CNTN5: variants seen among roughly 807,000 people sequenced by gnomAD.
CNTN5 encodes the protein contactin-5.
Under a neutral mutation model 129.1 loss-of-function variants are expected in CNTN5, and 77 were observed. That is an observed-to-expected ratio of 0.60 (90% CI 0.50 to 0.72). The LOEUF is 0.72. CNTN5 is among the 30% of genes least tolerant of loss of function. The pLI, the probability that CNTN5 is intolerant of heterozygous loss-of-function variation, is 0.00. For missense variants in CNTN5, 1,478 were observed against 1,328.8 expected (o/e 1.11, Z -1.75); for synonymous variants, 509 against 465.6 (o/e 1.09, Z -1.20).
chr11:99,391,246 G>A (rs17585398), intron 2 of CNTN5, among the ~76,000 whole-genome samples: 7,161 of 152,030 alleles, frequency 0.047, 185 homozygotes, highest in Non-Finnish European at 0.062. Flanking sequence ...ACTGTTAATC[G>A]TAAAAATAGC....
chr11:100,337,206 T>C lies in CNTN5; in HGVS notation c.2731-3257T>C, dbSNP rs984319316. 209 of 1,540,490 alleles carry C rather than the reference T, an allele frequency of 1.4e-4. 1 individual carries two copies. The African/African-American group carries it at 2.2e-3, about 16-fold the overall frequency. ...CAGATGACACCAGCAGTGAAAACACTGTAGTTCCTCCAGAAACATATGTGA... is the reference window on the plus strand; with the variant it reads ...CAGATGACACCAGCAGTGAAAACACCGTAGTTCCTCCAGAAACATATGTGA... On this transcript the variant is annotated intron_variant, in intron 21 of 24. Coordinates refer to ENST00000524871, the MANE Select transcript of CNTN5 (RefSeq NM_014361.4).
At chr11:99,715,261 G>C (rs896161173) in intron 3 of CNTN5, among the ~76,000 whole-genome samples, 1 of 151,946 alleles carries the variant, frequency 6.6e-6, no homozygotes. Flanking sequence ...TGTAGTGGGA[G>C]AACTTATTTT....
chr11:100,291,023 G>T (rs1182700450), intron 18 of CNTN5, among the ~76,000 whole-genome samples: 1 of 148,954 alleles, frequency 6.7e-6, no homozygotes. Flanking sequence ...ATCATCACTG[G>T]CCATCAGAGA....
intron 1 of CNTN5, among the ~76,000 whole-genome samples, chr11:99,099,549 TAC>T (rs57981357): frequency 0.31 from 46,666 of 149,492 alleles, 7,205 homozygotes; most frequent in Middle Eastern, 0.41. Flanking sequence ...ATAATGTGTA[TAC>T]ACACACACAC....
intron 6 of CNTN5, among the ~76,000 whole-genome samples, chr11:99,878,178 T>C (rs1352478825): frequency 6.6e-6 from 1 of 152,202 alleles, no homozygotes; most frequent in African/African-American, 2.4e-5. Flanking sequence ...TGAAGTTAGA[T>C]CTAGGAAATT....
At chr11:99,989,564 C>A (rs1198488517) in intron 8 of CNTN5, among the ~76,000 whole-genome samples, 2 of 151,812 alleles carry the variant, frequency 1.3e-5, no homozygotes, top group East Asian at 1.9e-4. Flanking sequence ...TTGTAAAAAA[C>A]CACCCAAAAG....
intron 1 of CNTN5, among the ~76,000 whole-genome samples, chr11:99,171,322 A>T (rs1005494158): frequency 2.0e-5 from 3 of 152,192 alleles, no homozygotes; most frequent in Non-Finnish European, 4.4e-5. Context: ...GTACACAAGG[A>T]TGTTTTTCTC....
chr11:99,785,438 C>T (rs947854053), intron 3 of CNTN5, among the ~76,000 whole-genome samples: 58 of 152,060 alleles, frequency 3.8e-4, no homozygotes, highest in African/African-American at 1.3e-3. Flanking sequence ...CCTTTTGTTA[C>T]CATTGCTTTT....
Position 99,831,330 on chromosome 11 carries a change from C to T in CNTN5, c.277+11565C>T, listed in dbSNP as rs117536661. ...TGCAAAAAGTTGTTGAGATGCTTAA[C>T]GAAGTGGTAGTTGGTTGGCAAAAGG... On this transcript the variant is annotated intron_variant, in intron 4 of 24. Transcript: ENST00000524871. Among the ~76,000 whole-genome samples, 52 of 152,204 alleles carry T rather than the reference C, an allele frequency of 3.4e-4. No homozygotes were observed. The East Asian group carries it at 7.7e-3, about 23-fold the overall frequency.
chr11:99,242,003 C>A (rs1861584733), intron 1 of CNTN5, among the ~76,000 whole-genome samples: 1 of 152,034 alleles, frequency 6.6e-6, no homozygotes, highest in African/African-American at 2.4e-5. Flanking sequence ...TGTTAGATGA[C>A]AAAGTGGTAA....
intron 1 of CNTN5, among the ~76,000 whole-genome samples, chr11:99,153,489 T>G (rs1377795656): frequency 2.5e-5 from 2 of 81,282 alleles, no homozygotes; most frequent in East Asian, 1.2e-3. Context: ...TCAGATCAGG[T>G]TTTTTTTTTT....
intron 1 of CNTN5, among the ~76,000 whole-genome samples, chr11:99,202,282 A>G (rs183376239): frequency 1.3e-5 from 2 of 152,306 alleles, no homozygotes; most frequent in East Asian, 3.9e-4. Context: ...AGTGCCTAGC[A>G]TGCTCATGGC....
At chr11:99,736,699 T>C (rs1943722272) in intron 3 of CNTN5, among the ~76,000 whole-genome samples, 2 of 152,254 alleles carry the variant, frequency 1.3e-5, no homozygotes, top group Middle Eastern at 3.4e-3. Flanking sequence ...GAAGGATACA[T>C]TGACGGTGAT....
chr11:99,929,249 C>T (rs1328692163), intron 7 of CNTN5, among the ~76,000 whole-genome samples: 1 of 152,180 alleles, frequency 6.6e-6, no homozygotes, highest in African/African-American at 2.4e-5. Context: ...AACTTTCCCC[C>T]ATCTTTCTGT....
intron 3 of CNTN5, among the ~76,000 whole-genome samples, chr11:99,696,810 T>G (rs530405310): frequency 2.5e-4 from 38 of 152,156 alleles, no homozygotes; most frequent in Non-Finnish European, 2.5e-4. Flanking sequence ...GCCTTTAAAG[T>G]GTTTGTGCTA....
intron 3 of CNTN5, among the ~76,000 whole-genome samples, chr11:99,590,220 A>T (rs1949934497): frequency 6.6e-6 from 1 of 152,248 alleles, no homozygotes. Context: ...AGCATCAGTT[A>T]CACAGAGTAC....
Position 99,034,639 on chromosome 11 carries a change from G to A in CNTN5, c.-210+13369G>A, listed in dbSNP as rs1442315600. On this transcript the variant is annotated intron_variant, in intron 1 of 24. Transcript: ENST00000524871. ...TAACCCCTTTATCATTTTTTATTGC[G>A]TCTATTTGATTCTTCTCTCTTTTTT... is the stretch of plus-strand genomic sequence containing the variant. Among the ~76,000 whole-genome samples the A allele has an allele frequency of 2.6e-4, 39 of 150,348 alleles. No individual in the cohort carries two copies. In the East Asian group the frequency reaches 3.9e-3, roughly 15 times the overall value.
At chr11:99,455,098 G>T (rs1944449266) in intron 2 of CNTN5, among the ~76,000 whole-genome samples, 1 of 152,102 alleles carries the variant, frequency 6.6e-6, no homozygotes, top group African/African-American at 2.4e-5. Flanking sequence ...ATAGTCACAG[G>T]TTAATAGGAT....
chr11:99,270,335 T>A (rs1863114517), intron 1 of CNTN5, among the ~76,000 whole-genome samples: 1 of 151,848 alleles, frequency 6.6e-6, no homozygotes, highest in South Asian at 2.1e-4. Flanking sequence ...CCATCTTCAG[T>A]CCTTCTAAAT....
Sources: allele counts gnomAD v4.1 joint callset (sites outside exome capture counted in the v4.1 genomes callset), GRCh38; gene constraint gnomAD v4.1.1; transcripts MANE v1.5; gene names NCBI Gene and HGNC (gene_info 2026-07-23, HGNC 2026-07-21).